PTPRQ: variants seen among roughly 807,000 people sequenced by gnomAD.
The protein encoded by PTPRQ is phosphatidylinositol phosphatase PTPRQ.
In PTPRQ, 199 loss-of-function variants were observed where a neutral mutation model predicts 246.0. That is an observed-to-expected ratio of 0.81 (90% CI 0.72 to 0.91). PTPRQ has a LOEUF of 0.91. Ranked by LOEUF, PTPRQ falls within the 40% of genes least tolerant of loss-of-function variation. The probability of loss-of-function intolerance (pLI) is 0.00; values close to 1 mark genes in which losing one functional copy is unlikely to be tolerated. For synonymous variants in PTPRQ, 869 were observed against 853.2 expected (o/e 1.02, Z -0.32); for missense variants, 2,624 against 2,528.4 (o/e 1.04, Z -0.81).
At chr12:80,538,170 A>G (rs1896045880) in intron 19 of PTPRQ, among the ~76,000 whole-genome samples, 1 of 152,208 alleles carries the variant, frequency 6.6e-6, no homozygotes, top group African/African-American at 2.4e-5. Context: ...AAGTTTTACT[A>G]AATACCTTCT....
At chr12:80,484,318 C>G (rs1003551309) in intron 8 of PTPRQ, 115 bp from the exon 9 acceptor site, 1 of 1,293,964 alleles carries the variant, frequency 7.7e-7, no homozygotes, top group Non-Finnish European at 1.0e-6. Context: ...AGTCTGTTTT[C>G]TAATAGAATT....
rs547170514 is a variant in PTPRQ, at chr12:80,455,318, C to G, written c.391-2257C>G. On this transcript the variant is annotated intron_variant, in intron 3 of 44. Coordinates refer to ENST00000644991, the MANE Select transcript of PTPRQ (RefSeq NM_001145026.2). ...ATTTAAAAAAACTTTAGCTTAGTGA[C>G]GTTTTCAAAAATAAATCAAGTTTAA... is the stretch of plus-strand genomic sequence containing the variant. 1.1e-3 allele frequency among the ~76,000 whole-genome samples: 175 copies of G among 152,182 alleles called. 1 individual carries two copies. The highest frequency in any genetic ancestry group is 1.9e-3 in the Non-Finnish European group (131 of 68,000).
rs1380924553 is a variant in PTPRQ, at chr12:80,506,579, A to G, written c.2466A>G (p.Lys822=). 3.9e-6 allele frequency: 6 copies of G among 1,531,884 alleles called. No individual in the cohort carries two copies. Among genetic ancestry groups the G allele is most frequent in the Non-Finnish European group, 5.3e-6 (6 of 1,133,564 alleles). 94.9% of individuals were successfully genotyped at this position (1,531,884 alleles called of 1,614,324 possible). A position where few individuals can be genotyped will look rare whatever the true frequency, so the allele number is the denominator to read the frequency against. The part of the protein sequence containing the change: ...SLTQNIKVLK[K]YTQYIIEVSA... ...TTGATTTCTCTTTAGTACTGAAGAA[A>G]TATACCCAATATATCATTGAGGTGT... Residue 822 remains lysine (K), a synonymous_variant, in exon 16 of 45, where the codon AAA becomes AAG. Transcript: ENST00000644991.
At chr12:80,449,588 A>G (rs1487260677) in intron 3 of PTPRQ, among the ~76,000 whole-genome samples, 1 of 151,864 alleles carries the variant, frequency 6.6e-6, no homozygotes, top group African/African-American at 2.4e-5. Context: ...TCAGCTTTCT[A>G]CATATGGCTA....
chr12:80,534,303 A>G (rs1439460960), intron 18 of PTPRQ, 128 bp downstream of exon 18: 2 of 1,068,386 alleles, frequency 1.9e-6, no homozygotes, highest in Non-Finnish European at 1.3e-6. Flanking sequence ...TTGATGAAAA[A>G]TTGCATTTTG....
At position 80,495,179 on chromosome 12, in the gene PTPRQ, T is replaced by A; in HGVS notation, c.1703-13T>A. 6.5e-7 allele frequency: 1 copy of A among 1,544,852 alleles called. No individual in the cohort carries two copies. ...ACTTTTTTTTCATTCATATGTTCATTCTTCTTTTTAAGTGCCAAGCTCCAT... is the reference window on the plus strand; with the variant it reads ...ACTTTTTTTTCATTCATATGTTCATACTTCTTTTTAAGTGCCAAGCTCCAT... On this transcript the variant is annotated splice_polypyrimidine_tract_variant and intron_variant, in intron 11 of 44. Transcript: ENST00000644991.
intron 17 of PTPRQ, among the ~76,000 whole-genome samples, chr12:80,519,327 T>A (rs950643023): frequency 6.6e-6 from 1 of 152,192 alleles, no homozygotes; most frequent in African/African-American, 2.4e-5. Context: ...TGAGAGAGTT[T>A]GTGATTTCTT....
At chr12:80,627,717 A>G (rs984005491) in intron 33 of PTPRQ, among the ~76,000 whole-genome samples, 5 of 152,250 alleles carry the variant, frequency 3.3e-5, no homozygotes, top group Admixed American at 2.0e-4. Context: ...TTGTCACAGG[A>G]TTTTAAGTCT....
At chr12:80,526,373 A>G (rs908704781) in intron 17 of PTPRQ, among the ~76,000 whole-genome samples, 3 of 152,206 alleles carry the variant, frequency 2.0e-5, no homozygotes, top group Non-Finnish European at 4.4e-5. Context: ...ATATCAGTCC[A>G]AAGACTATTA....
In PTPRQ at chr12:80,678,607, GTATATCTTT is replaced by G; in HGVS notation, c.6746_6754del (p.Tyr2249_Phe2251del). ...ACTCTGTCTTTGGTGTCTAGGCACA[GTATATCTTT>G]TTACACCAGTGCATTCTGGATCTCT... is the stretch of plus-strand genomic sequence containing the variant. On this transcript the variant is annotated inframe_deletion, in exon 44 of 45. Transcript: ENST00000644991. The G allele has an allele frequency of 6.5e-7, 1 of 1,548,614 alleles. No homozygotes were observed. Among genetic ancestry groups the G allele is most frequent in the Non-Finnish European group, 8.7e-7 (1 of 1,145,376 alleles).
At chr12:80,515,150 T>C (rs367943074) in intron 17 of PTPRQ, among the ~76,000 whole-genome samples, 1 of 151,972 alleles carries the variant, frequency 6.6e-6, no homozygotes, top group African/African-American at 2.4e-5. Flanking sequence ...CTAATCTTTT[T>C]TGGGGACTCT....
At position 80,635,070 on chromosome 12, in the gene PTPRQ, C is replaced by T. The variant is rs1378147311; in HGVS notation, c.5912C>T (p.Thr1971Met). The T allele has an allele frequency of 2.5e-5, 39 of 1,550,632 alleles. No individual in the cohort carries two copies. The Admixed American group carries it at 3.1e-4, about 12-fold the overall frequency. Residue 1971 changes from threonine to methionine, a missense_variant, in exon 35 of 45, where the codon ACG becomes ATG. Physicochemically the swap from Thr to Met is moderately conservative, Grantham distance 81 (BLOSUM62 -1). Transcript: ENST00000644991. The part of the protein sequence containing the change: ...ADLELKDERL[T>M]RLLSYRKSIK... Reference sequence around the variant, plus strand: ...CTGGAACTGAAGGACGAGAGATTAACGCGGTGAGCACACTCCTCTGGGTGA... The same window carrying T: ...CTGGAACTGAAGGACGAGAGATTAATGCGGTGAGCACACTCCTCTGGGTGA...
In PTPRQ at chr12:80,613,790, T is replaced by C. The variant is rs534254948; in HGVS notation, c.5117T>C (p.Ile1706Thr). 45 of 1,542,368 alleles carry C rather than the reference T, an allele frequency of 2.9e-5. 1 individual carries two copies. In the South Asian group the frequency reaches 4.8e-4, roughly 17 times the overall value. Residue 1706 changes from isoleucine (I) to threonine (T), a missense_variant, in exon 29 of 45, where the codon ATT (isoleucine) becomes ACT (threonine). Coordinates refer to ENST00000644991, the MANE Select transcript of PTPRQ (RefSeq NM_001145026.2). ...ATACAGAAAACCAACACATTCGTCA[T>C]TGCAATGCTAGAAGGACTAAAAGGT... ...SIIQKTNTFV[I>T]AMLEGLKGGH...
At chr12:80,629,231 T>A (rs755681900) in intron 33 of PTPRQ, among the ~76,000 whole-genome samples, 1 of 152,034 alleles carries the variant, frequency 6.6e-6, no homozygotes, top group Non-Finnish European at 1.5e-5. Context: ...TCTCTTCTTA[T>A]AAGTCACTAA....
chr12:80,627,408 G>A (rs1237303252), intron 33 of PTPRQ, among the ~76,000 whole-genome samples: 2 of 150,108 alleles, frequency 1.3e-5, no homozygotes, highest in Non-Finnish European at 3.0e-5. Context: ...AGGAGGAGGA[G>A]GAAGGGGAGG....
At chr12:80,676,557 G>A (rs1262787744) in intron 43 of PTPRQ, among the ~76,000 whole-genome samples, 1 of 152,104 alleles carries the variant, frequency 6.6e-6, no homozygotes. Flanking sequence ...CAGGAGAATC[G>A]CTTGAAACCG....
chr12:80,479,756 A>G (rs1277553944), intron 8 of PTPRQ, among the ~76,000 whole-genome samples: 1 of 151,722 alleles, frequency 6.6e-6, no homozygotes, highest in Admixed American at 6.6e-5. Flanking sequence ...ACTTTAAACC[A>G]ATAAAGATCA....
chr12:80,582,287 T>C (rs1370322763), intron 25 of PTPRQ, among the ~76,000 whole-genome samples: 1 of 152,192 alleles, frequency 6.6e-6, no homozygotes. Context: ...TCTGGGTTTA[T>C]GCTTGCTGTG....
chr12:80,456,845 C>G (rs1892997878), intron 3 of PTPRQ, among the ~76,000 whole-genome samples: 2 of 152,078 alleles, frequency 1.3e-5, no homozygotes. Context: ...CAGCACAATC[C>G]TATAACATAG....
Sources: allele counts gnomAD v4.1 joint callset (sites outside exome capture counted in the v4.1 genomes callset), GRCh38; gene constraint gnomAD v4.1.1; transcripts MANE v1.5; gene names NCBI Gene and HGNC (gene_info 2026-07-23, HGNC 2026-07-21).